Variants in PGAP6 observed in about 807,000 individuals in gnomAD.
The protein encoded by PGAP6 is post-GPI attachment to proteins factor 6.
Under a neutral mutation model 68.4 loss-of-function variants are expected in PGAP6, and 62 were observed. That is an observed-to-expected ratio of 0.91 (90% CI 0.74 to 1.12). The LOEUF (loss-of-function observed/expected upper bound fraction) is 1.12, where lower values mean the gene tolerates loss of function less well. PGAP6 is among the 50% of genes most tolerant of loss of function. The probability of loss-of-function intolerance (pLI) is 0.00; values close to 1 mark genes in which losing one functional copy is unlikely to be tolerated. For missense variants in PGAP6, 1,188 were observed against 1,068.5 expected, an observed-to-expected ratio of 1.11 and a Z score of -1.56; for synonymous variants, 575 against 474.0, an observed-to-expected ratio of 1.21 and a Z score of -2.77.
Position 377,509 on chromosome 16 carries a change from A to G in PGAP6, c.376T>C (p.Ser126Pro), listed in dbSNP as rs1218357295. ...SFPDDTAVQP[S>P]FQVGVPLSTT... The stretch of plus-strand genomic sequence containing the variant: ...CTCAGCGGCACCCCGACCTGGAAGG[A>G]GGGCTGTACCGCGGTGTCGTCCGGG... Residue 126 changes from serine to proline, a missense_variant, in exon 3 of 13, where the codon TCC becomes CCC. By Grantham distance (74) the Ser-to-Pro change is moderately conservative. Transcript: ENST00000431232. 1 of 1,602,256 alleles carries G rather than the reference A, an allele frequency of 6.2e-7. No individual in the cohort carries two copies. The highest frequency in any genetic ancestry group is 2.2e-5 in the East Asian group (1 of 44,468).
At chr16:385,185 A>G (rs2054473408), upstream of PGAP6, among the ~76,000 whole-genome samples, 1 of 151,926 alleles carries the variant, frequency 6.6e-6, no homozygotes, top group South Asian at 2.1e-4. Context: ...AAAAAATGTA[A>G]TGGAGAACAC....
Position 371,717 on chromosome 16 carries a change from G to C in PGAP6, c.*270C>G, listed in dbSNP as rs2054334540. ...CCCCACCCTCGCACAGGCACCTGTG[G>C]TCTCCAAGTAACCAAGCCCAGGCCC... On this transcript the variant is annotated 3_prime_UTR_variant, in exon 13 of 13. Transcript: ENST00000431232. The C allele has an allele frequency of 2.1e-6, 1 of 472,744 alleles. No homozygotes were observed. Among genetic ancestry groups the C allele is most frequent in the Non-Finnish European group, 3.9e-6 (1 of 258,446 alleles). 29.3% of individuals were successfully genotyped at this position (472,744 alleles called of 1,614,324 possible).
At chr16:377,309 G>A (rs763141) in intron 3 of PGAP6, 69 bp downstream of exon 3, 885,776 of 1,553,214 alleles carry the variant, frequency 0.57, 256,081 homozygotes, top group South Asian at 0.7. Flanking sequence ...ACCCCAAAGA[G>A]GTGAACGGCA....
Position 372,701 on chromosome 16 carries a change from G to T in PGAP6, c.1929C>A (p.Val643=). Residue 643 remains valine, a synonymous_variant, in exon 12 of 13, where the codon GTC becomes GTA. Coordinates refer to ENST00000431232, the MANE Select transcript of PGAP6 (RefSeq NM_021259.3). Reference sequence around the variant, plus strand: ...GGTCCAGCTGCAAGGACATGGCGATGACCAGTGTACCCAGAAGAAACAGCA... The same window carrying T: ...GGTCCAGCTGCAAGGACATGGCGATTACCAGTGTACCCAGAAGAAACAGCA... ...KYVLFLLGTL[V]IAMSLQLDRR... The T allele has an allele frequency of 6.2e-7, 1 of 1,612,178 alleles. No homozygotes were observed. The highest frequency in any genetic ancestry group is 1.1e-5 in the South Asian group (1 of 91,032).
At position 374,250 on chromosome 16, in the gene PGAP6, CG is replaced by C. The variant is rs1567323059; in HGVS notation, c.1725del (p.Val576SerfsTer57). On this transcript the variant is annotated frameshift_variant, in exon 10 of 13. Coordinates refer to ENST00000431232, the MANE Select transcript of PGAP6 (RefSeq NM_021259.3). LOFTEE classifies it high-confidence loss of function. ...SVRRFFLVEA[S>X]VYAYTMFFST... ...GAGAAGAACATGGTGTAGGCGTAGA[CG>C]GAGGCCTCCACCAGGAAGAATCGCC... 1 of 1,608,388 alleles carries C rather than the reference CG, an allele frequency of 6.2e-7. No individual in the cohort carries two copies. The highest frequency in any genetic ancestry group is 8.5e-7 in the Non-Finnish European group (1 of 1,179,278).
intron 11 of PGAP6, among the ~76,000 whole-genome samples, chr16:373,613 C>A (rs1425730407): frequency 6.6e-6 from 1 of 152,258 alleles, no homozygotes; most frequent in Non-Finnish European, 1.5e-5. Flanking sequence ...CCTCGGCTCA[C>A]TCCAACGCCT....
In PGAP6 at chr16:375,286, G is replaced by A. The variant is rs771098998; in HGVS notation, c.1316-30C>T. ...AGGGGAGCCAGAGGGCCCCATCAGA[G>A]GAGGCCGGGGCGGGGGGCTGGCCGG... On this transcript the variant is annotated intron_variant, in intron 7 of 12. Transcript: ENST00000431232. 7 of 1,612,612 alleles carry A rather than the reference G, an allele frequency of 4.3e-6. No homozygotes were observed. The South Asian group carries it at 6.6e-5, about 15-fold the overall frequency.
rs1295689360 is a variant in PGAP6 at position 371,808 on chromosome 16, G to A, written c.*179C>T. 2.4e-5 allele frequency: 15 copies of A among 623,506 alleles called. No homozygotes were observed. Among genetic ancestry groups the A allele is most frequent in the East Asian group, 1.7e-4 (6 of 35,458 alleles). The allele number at this position is 623,506 out of a possible 1,614,324, so 38.6% of individuals were successfully genotyped here. ...TCTCAGCAGCGAGCAGGCAGCTGGC[G>A]AGGAGAGGTGCGTGTGAGGGAGGGG... On this transcript the variant is annotated 3_prime_UTR_variant, in exon 13 of 13. Transcript: ENST00000431232.
intron 11 of PGAP6, among the ~76,000 whole-genome samples, chr16:373,665 G>C (rs770991916): frequency 3.3e-5 from 5 of 152,326 alleles, no homozygotes; most frequent in Middle Eastern, 3.4e-3. Context: ...TTAGTCTCCC[G>C]AGTGGCTGGG....
intron 11 of PGAP6, among the ~76,000 whole-genome samples, chr16:373,092 C>G (rs937970490): frequency 6.6e-6 from 1 of 152,190 alleles, no homozygotes; most frequent in Non-Finnish European, 1.5e-5. Context: ...ACCCACTGTT[C>G]CATGGGGAGG....
chr16:372,190 C>A lies in PGAP6; in HGVS notation c.2113G>T (p.Gly705Cys). Residue 705 changes from glycine (G) to cysteine (C), a missense_variant, in exon 13 of 13, where the codon GGC becomes TGC. Gly to Cys is a radical substitution (Grantham distance 159). Transcript: ENST00000431232. ...LLPGVSMASV[G>C]IAIYTSMMTS... is the part of the protein sequence containing the mutation. ...ATCATGGAGGTGTAGATGGCGATGC[C>A]CACAGAGGCCATAGAGACGCCGGGC... The A allele has an allele frequency of 6.2e-7, 1 of 1,610,134 alleles. No homozygotes were observed. The highest frequency in any genetic ancestry group is 8.5e-7 in the Non-Finnish European group (1 of 1,178,974).
Position 376,124 on chromosome 16 carries a change from G to C in PGAP6, c.1224+12C>G. ...GAGCCCAGGCCACAGGCCGCTTGCAGACAGCAGGTACCTTGTTGGCCCGCA... is the reference window on the plus strand; with the variant it reads ...GAGCCCAGGCCACAGGCCGCTTGCACACAGCAGGTACCTTGTTGGCCCGCA... On this transcript the variant is annotated intron_variant, in intron 6 of 12. Transcript: ENST00000431232. 6.3e-7 allele frequency: 1 copy of C among 1,588,350 alleles called. No individual in the cohort carries two copies. Among genetic ancestry groups the C allele is most frequent in the South Asian group, 1.1e-5 (1 of 89,628 alleles).
chr16:378,206 TGACTGCCATCGCCACC>T (rs2054404980), intron 1 of PGAP6, among the ~76,000 whole-genome samples: 2 of 55,156 alleles, frequency 3.6e-5, no homozygotes, highest in African/African-American at 1.4e-4. Context: ...ATCGCCACCC[TGACTGCCATCGCCACC>T]CTGACTGCCA....
At chr16:385,513 C>A (rs147708194), upstream of PGAP6, among the ~76,000 whole-genome samples, 1,181 of 146,496 alleles carry the variant, frequency 8.1e-3, 21 homozygotes, top group African/African-American at 0.014. Flanking sequence ...GGATTTCACC[C>A]TGTTAGCCAG....
rs148263251 is a variant in PGAP6, at chr16:377,550, G to A, written c.335C>T (p.Pro112Leu). ...FRSGAPPVIN[P>L]LGTSFPDDTA... is the part of the protein sequence containing the mutation. ...GTCGTCCGGGAAGCTGGTGCCCAGC[G>A]GGTTGATGACCGGAGGGGCGCCGGA... The change falls in exon 3 of 13, where the codon CCG becomes CTG. Residue 112 changes from proline (P) to leucine (L), a missense_variant. Transcript: ENST00000431232. 946 of 1,587,652 alleles carry A rather than the reference G, an allele frequency of 6.0e-4. 1 individual carries two copies. Among genetic ancestry groups the A allele is most frequent in the African/African-American group, 3.5e-3 (262 of 74,674 alleles).
In PGAP6 at chr16:372,707, T is replaced by C. The variant is rs1429974897; in HGVS notation, c.1923A>G (p.Thr641=). Residue 641 remains threonine, a synonymous_variant, in exon 12 of 13, where the codon ACA becomes ACG. Transcript: ENST00000431232. ...GCTGCAAGGACATGGCGATGACCAG[T>C]GTACCCAGAAGAAACAGCACCTGCG... The part of the protein sequence containing the change: ...VLKYVLFLLG[T]LVIAMSLQLD... The C allele has an allele frequency of 1.9e-6, 3 of 1,611,378 alleles. No individual in the cohort carries two copies. The highest frequency in any genetic ancestry group is 2.2e-5 in the East Asian group (1 of 44,852).
chr16:372,310 A>C (rs757056320), intron 12 of PGAP6, 27 bp from the exon 13 acceptor site: 1 of 1,591,986 alleles, frequency 6.3e-7, no homozygotes, highest in Non-Finnish European at 8.5e-7. Flanking sequence ...CGCAGGTATC[A>C]GTGCAGGTGG....
chr16:375,533 C>CA, intron 6 of PGAP6, 98 bp from the exon 7 acceptor site: 1 of 751,370 alleles, frequency 1.3e-6, no homozygotes, highest in Non-Finnish European at 2.1e-6. Context: ...TGGTGCCTTT[C>CA]TTTTTTTTTT....
chr16:375,224 C>A lies in PGAP6; in HGVS notation c.1348G>T (p.Ala450Ser). Reference sequence around the variant, plus strand: ...ATGAGGTTGGCCCTGCGAGACCAGGCGCTCAGAGACAAAGGGTAGCCCTGG... The same window carrying A: ...ATGAGGTTGGCCCTGCGAGACCAGGAGCTCAGAGACAAAGGGTAGCCCTGG... ...FFQGYPLSLS[A>S]WSRRANLIIP... The change falls in exon 8 of 13, where the codon GCC becomes TCC. Residue 450 changes from alanine (A) to serine (S), a missense_variant. Coordinates refer to ENST00000431232, the MANE Select transcript of PGAP6 (RefSeq NM_021259.3). 1.2e-6 allele frequency: 2 copies of A among 1,613,208 alleles called. No individual in the cohort carries two copies. The highest frequency in any genetic ancestry group is 1.7e-6 in the Non-Finnish European group (2 of 1,179,974).
Sources: allele counts gnomAD v4.1 joint callset (sites outside exome capture counted in the v4.1 genomes callset), GRCh38; gene constraint gnomAD v4.1.1; transcripts MANE v1.5; gene names NCBI Gene and HGNC (gene_info 2026-07-23, HGNC 2026-07-21).